The following CDH20 variants were observed in gnomAD, a reference collection of about 807,000 sequenced individuals.
CDH20 encodes the protein cadherin 20.
A neutral mutation model predicts 74.2 loss-of-function variants in CDH20; 29 were observed. The observed-to-expected ratio is 0.39, with a 90% CI of 0.29 to 0.53. The LOEUF (loss-of-function observed/expected upper bound fraction) is 0.53. Among genes scored for constraint, CDH20 ranks in the 20% least tolerant of loss-of-function variants. CDH20 has a pLI of 0.69. For missense variants in CDH20, 988 were observed against 1,048.3 expected (o/e 0.94, Z 0.79); for synonymous variants, 469 against 405.4 (o/e 1.16, Z -1.88).
intron 1 of CDH20, among the ~76,000 whole-genome samples, chr18:61,443,660 C>T (rs984989368): frequency 6.6e-6 from 1 of 152,114 alleles, no homozygotes; most frequent in African/African-American, 2.4e-5. Flanking sequence ...CACACCCTGT[C>T]GTTCAGATGA....
chr18:61,536,836 C>T (rs1375245656), intron 8 of CDH20, among the ~76,000 whole-genome samples: 2 of 152,026 alleles, frequency 1.3e-5, no homozygotes, highest in Non-Finnish European at 2.9e-5. Flanking sequence ...GAGATAAAAG[C>T]AAACAAAACA....
intron 6 of CDH20, among the ~76,000 whole-genome samples, chr18:61,514,139 A>T (rs1236404812): frequency 6.6e-6 from 1 of 152,094 alleles, no homozygotes; most frequent in Admixed American, 6.5e-5. Flanking sequence ...AGGTACACCA[A>T]TCAGACGTAG....
chr18:61,554,840 G>GC lies in CDH20; in HGVS notation c.*146dup. 7.0e-7 allele frequency: 1 copy of GC among 1,420,378 alleles called. No individual in the cohort carries two copies. Among genetic ancestry groups the GC allele is most frequent in the Non-Finnish European group, 9.2e-7 (1 of 1,090,248 alleles). 88.0% of individuals were successfully genotyped at this position (1,420,378 alleles called of 1,614,324 possible). The stretch of plus-strand genomic sequence containing the variant: ...GGCGAACAGAGCTCTCTCTGGATCA[G>GC]CTTTACTTGGGTAGATTAAGTTAAA... On this transcript the variant is annotated 3_prime_UTR_variant, in exon 12 of 12. Transcript: ENST00000262717.
intron 1 of CDH20, among the ~76,000 whole-genome samples, chr18:61,374,452 CA>C (rs990783679): frequency 2.0e-5 from 3 of 152,086 alleles, no homozygotes; most frequent in African/African-American, 7.2e-5. Flanking sequence ...TTACCATTTA[CA>C]AAAGAGTATA....
At chr18:61,490,824 C>A in intron 2 of CDH20, 25 bp downstream of exon 2, 1 of 1,611,502 alleles carries the variant, frequency 6.2e-7, no homozygotes. Flanking sequence ...GTAGAAATGA[C>A]CCGGGTATTG....
chr18:61,417,569 T>C (rs1186805810), intron 1 of CDH20, among the ~76,000 whole-genome samples: 1 of 62,548 alleles, frequency 1.6e-5, no homozygotes, highest in African/African-American at 6.9e-5. Context: ...CTTACTCAGA[T>C]GTGGGAGCTA....
chr18:61,422,618 T>C (rs1022980580), intron 1 of CDH20, among the ~76,000 whole-genome samples: 3 of 152,058 alleles, frequency 2.0e-5, no homozygotes, highest in Non-Finnish European at 4.4e-5. Flanking sequence ...GGAAGTATTT[T>C]TACTCAGCAT....
chr18:61,437,034 A>T (rs1456409005), intron 1 of CDH20, among the ~76,000 whole-genome samples: 1 of 152,192 alleles, frequency 6.6e-6, no homozygotes, highest in Non-Finnish European at 1.5e-5. Flanking sequence ...TTCCTGGAAC[A>T]TAGTAGGCAC....
intron 1 of CDH20, among the ~76,000 whole-genome samples, chr18:61,453,928 A>G (rs995335744): frequency 6.6e-5 from 10 of 152,180 alleles, no homozygotes; most frequent in Admixed American, 1.3e-4. Flanking sequence ...CTCCTCAGCA[A>G]TGTATGAGTA....
intron 1 of CDH20, among the ~76,000 whole-genome samples, chr18:61,345,899 G>A (rs1910101765): frequency 6.6e-6 from 1 of 152,074 alleles, no homozygotes; most frequent in South Asian, 2.1e-4. Flanking sequence ...AGGAAACAGG[G>A]GTGCCACCCT....
chr18:61,506,154 G>T (rs866332146), intron 5 of CDH20, among the ~76,000 whole-genome samples: 3 of 152,198 alleles, frequency 2.0e-5, no homozygotes, highest in Non-Finnish European at 2.9e-5. Flanking sequence ...TGTAGAAATT[G>T]TATGTAGATG....
chr18:61,411,095 G>C (rs959584953), intron 1 of CDH20, among the ~76,000 whole-genome samples: 34 of 152,208 alleles, frequency 2.2e-4, no homozygotes, highest in Non-Finnish European at 3.8e-4. Flanking sequence ...AGCTACTCGG[G>C]GGGCTGAGGC....
intron 1 of CDH20, among the ~76,000 whole-genome samples, chr18:61,454,585 T>C (rs1909508970): frequency 6.6e-6 from 1 of 152,132 alleles, no homozygotes; most frequent in South Asian, 2.1e-4. Context: ...AAGATAAAAA[T>C]TTCTGCCTTT....
At chr18:61,526,225 T>C (rs1238498163) in intron 6 of CDH20, among the ~76,000 whole-genome samples, 1 of 125,102 alleles carries the variant, frequency 8.0e-6, no homozygotes, top group South Asian at 2.7e-4. Context: ...ACCTCCCGGG[T>C]TCAAGTGATT....
intron 1 of CDH20, among the ~76,000 whole-genome samples, chr18:61,431,138 T>C (rs1310954087): frequency 1.3e-5 from 2 of 152,206 alleles, no homozygotes; most frequent in Non-Finnish European, 2.9e-5. Flanking sequence ...CATAGTTCTT[T>C]CTAGCATCCC....
chr18:61,408,800 CA>C (rs930984562), intron 1 of CDH20, among the ~76,000 whole-genome samples: 3 of 152,016 alleles, frequency 2.0e-5, no homozygotes, highest in Non-Finnish European at 4.4e-5. Flanking sequence ...AACAAACAAA[CA>C]AAAAAACCCA....
At chr18:61,378,003 G>A (rs1026073492) in intron 1 of CDH20, among the ~76,000 whole-genome samples, 16 of 152,044 alleles carry the variant, frequency 1.1e-4, no homozygotes, top group African/African-American at 3.1e-4. Flanking sequence ...AAGTCTGTGG[G>A]GGACCCAGGA....
chr18:61,395,102 A>G (rs1018428254), intron 1 of CDH20, among the ~76,000 whole-genome samples: 3 of 151,790 alleles, frequency 2.0e-5, no homozygotes, highest in Non-Finnish European at 4.4e-5. Context: ...AAAACCTCCC[A>G]CTTCTTTAAG....
intron 1 of CDH20, among the ~76,000 whole-genome samples, chr18:61,388,066 G>A (rs144968747): frequency 2.0e-5 from 3 of 152,160 alleles, no homozygotes; most frequent in African/African-American, 7.2e-5. Flanking sequence ...GTAGTGTAAA[G>A]AGTGCTATAC....
Sources: allele counts gnomAD v4.1 joint callset (sites outside exome capture counted in the v4.1 genomes callset), GRCh38; gene constraint gnomAD v4.1.1; transcripts MANE v1.5; gene names NCBI Gene and HGNC (gene_info 2026-07-23, HGNC 2026-07-21).